The following CCDC39 variants were observed in gnomAD, a reference collection of about 807,000 sequenced individuals.
CCDC39 encodes the protein coiled-coil domain 39 molecular ruler complex subunit.
CCDC39 carries 113 observed loss-of-function variants against 121.0 expected under a neutral mutation model. The ratio of observed to expected loss-of-function variants is 0.93; its 90% CI spans 0.80 to 1.09. The LOEUF (loss-of-function observed/expected upper bound fraction) is 1.09. Among genes scored for constraint, CCDC39 ranks in the 50% least tolerant of loss-of-function variants. The pLI is 0.00. For synonymous variants in CCDC39, 349 were observed against 352.2 expected, an observed-to-expected ratio of 0.99 and a Z score of 0.10; for missense variants, 1,063 against 1,074.7, an observed-to-expected ratio of 0.99 and a Z score of 0.15.
intron 13 of CCDC39, among the ~76,000 whole-genome samples, chr3:180,633,951 T>C (rs1717762362): frequency 6.6e-6 from 1 of 152,078 alleles, no homozygotes; most frequent in African/African-American, 2.4e-5. Context: ...AGGCACATGA[T>C]AGCCCCTCTG....
intron 7 of CCDC39, among the ~76,000 whole-genome samples, chr3:180,653,293 A>G (rs1341084321): frequency 6.6e-6 from 1 of 152,218 alleles, no homozygotes; most frequent in African/African-American, 2.4e-5. Flanking sequence ...CTGCCCAGCA[A>G]CTGACTGATC....
intron 19 of CCDC39, 117 bp from the exon 20 acceptor site, chr3:180,615,194 A>C (rs1717185243): frequency 1.5e-6 from 1 of 685,118 alleles, no homozygotes; most frequent in South Asian, 2.3e-5. Context: ...AAAAGTACAT[A>C]TTAATAGTGT....
chr3:180,665,824 C>A (rs1350656194), intron 1 of CCDC39, among the ~76,000 whole-genome samples: 1 of 151,368 alleles, frequency 6.6e-6, no homozygotes, highest in East Asian at 1.9e-4. Flanking sequence ...TACGGAGGAT[C>A]ATTTTTAATT....
In CCDC39 at chr3:180,623,078, T is replaced by TTTATTATTA. The variant is rs60546376; in HGVS notation, c.1999-3117_1999-3109dup. On this transcript the variant is annotated intron_variant, in intron 14 of 19. Transcript: ENST00000476379. ...GCTTTTTTGTTGTTGTTTGGAGATTTTTATTATTATTATTATTATTATTAT... is the reference window on the plus strand; with the variant it reads ...GCTTTTTTGTTGTTGTTTGGAGATTTTTATTATTATTATTATTATTATTATTATTATTAT... Among the ~76,000 whole-genome samples the TTTATTATTA allele has an allele frequency of 3.5e-3, 510 of 144,974 alleles. 2 individuals are homozygous for TTTATTATTA. The highest frequency in any genetic ancestry group is 9.9e-3 in the African/African-American group (390 of 39,478).
chr3:180,629,788 G>C (rs760030380), intron 14 of CCDC39, among the ~76,000 whole-genome samples: 2 of 152,166 alleles, frequency 1.3e-5, no homozygotes, highest in African/African-American at 2.4e-5. Flanking sequence ...AGGACATTGA[G>C]AAAGTAACTG....
chr3:180,634,504 A>T (rs1447119930), intron 13 of CCDC39, among the ~76,000 whole-genome samples: 1 of 152,148 alleles, frequency 6.6e-6, no homozygotes, highest in South Asian at 2.1e-4. Flanking sequence ...TGAAGCCATC[A>T]GGAGACAAAA....
Position 180,616,528 on chromosome 3 carries a change from T to C in CCDC39, c.2574A>G (p.Thr858=). 6.4e-7 allele frequency: 1 copy of C among 1,552,802 alleles called. No individual in the cohort carries two copies. Among genetic ancestry groups the C allele is most frequent in the Non-Finnish European group, 8.7e-7 (1 of 1,151,474 alleles). The change falls in exon 18 of 20, where the codon ACA becomes ACG. Residue 858 remains threonine (T), a synonymous_variant. Transcript: ENST00000476379. ...ENTEIRIILQ[T]YFQQSGLELP... is the part of the protein sequence containing the mutation. ...GGTGCTGTATTACCTGTTGAAAGTA[T>C]GTTTGAAGGATAATACGGATCTCAG...
intron 1 of CCDC39, among the ~76,000 whole-genome samples, chr3:180,674,482 C>A (rs183412442): frequency 6.6e-6 from 1 of 152,128 alleles, no homozygotes; most frequent in Non-Finnish European, 1.5e-5. Context: ...CTTTATCCTG[C>A]CTGATTGCCT....
intron 13 of CCDC39, among the ~76,000 whole-genome samples, chr3:180,640,894 T>C (rs532552316): frequency 6.6e-6 from 1 of 152,060 alleles, no homozygotes; most frequent in African/African-American, 2.4e-5. Context: ...ATTCAATGTA[T>C]AGAAAAATAA....
At chr3:180,617,103 T>A in intron 16 of CCDC39, 137 bp from the exon 17 acceptor site, 1 of 575,510 alleles carries the variant, frequency 1.7e-6, no homozygotes, top group Non-Finnish European at 2.9e-6. Flanking sequence ...ATGTACCTCT[T>A]AATGACATCT....
chr3:180,621,680 G>A (rs1717436255), intron 14 of CCDC39, among the ~76,000 whole-genome samples: 1 of 151,980 alleles, frequency 6.6e-6, no homozygotes, highest in Admixed American at 6.6e-5. Flanking sequence ...TGTCACACAG[G>A]TAATAAGCAT....
At chr3:180,645,453 C>T (rs1189280813) in intron 11 of CCDC39, among the ~76,000 whole-genome samples, 1 of 152,022 alleles carries the variant, frequency 6.6e-6, no homozygotes, top group African/African-American at 2.4e-5. Context: ...AGATCTCTTT[C>T]CCTCTCTTCC....
intron 19 of CCDC39, among the ~76,000 whole-genome samples, chr3:180,615,441 AC>A (rs981513343): frequency 2.0e-5 from 3 of 152,132 alleles, no homozygotes; most frequent in Non-Finnish European, 2.9e-5. Flanking sequence ...TTAAAATGAT[AC>A]CTTTTGTAAT....
intron 13 of CCDC39, among the ~76,000 whole-genome samples, chr3:180,641,115 G>T (rs892122504): frequency 6.6e-6 from 1 of 151,966 alleles, no homozygotes; most frequent in Non-Finnish European, 1.5e-5. Context: ...TGTAAGGTTG[G>T]TTTGACTTTG....
At chr3:180,630,143 A>G (rs1717661484) in intron 14 of CCDC39, among the ~76,000 whole-genome samples, 1 of 152,188 alleles carries the variant, frequency 6.6e-6, no homozygotes, top group Non-Finnish European at 1.5e-5. Context: ...AGGCACACTT[A>G]ACACCAGTAC....
At chr3:180,674,835 G>A (rs1235240786) in intron 1 of CCDC39, among the ~76,000 whole-genome samples, 1 of 152,204 alleles carries the variant, frequency 6.6e-6, no homozygotes, top group African/African-American at 2.4e-5. Flanking sequence ...AAGCCCACTT[G>A]ATCATCGTGG....
At chr3:180,674,053 G>A (rs557606293) in intron 1 of CCDC39, among the ~76,000 whole-genome samples, 3 of 152,042 alleles carry the variant, frequency 2.0e-5, no homozygotes, top group Non-Finnish European at 4.4e-5. Flanking sequence ...CATTGAATCT[G>A]TAAATTACCT....
At chr3:180,677,215 T>TATAA (rs1203940702) in intron 1 of CCDC39, among the ~76,000 whole-genome samples, 3 of 110,422 alleles carry the variant, frequency 2.7e-5, no homozygotes, top group Non-Finnish European at 3.8e-5. Flanking sequence ...TATATATATA[T>TATAA]AAAATCACAG....
At chr3:180,617,371 AT>A in intron 16 of CCDC39, 1 of 577,600 alleles carries the variant, frequency 1.7e-6, no homozygotes, top group South Asian at 2.6e-5. Context: ...TACTTTTATT[AT>A]TTTACAGTGT....
Sources: allele counts gnomAD v4.1 joint callset (sites outside exome capture counted in the v4.1 genomes callset), GRCh38; gene constraint gnomAD v4.1.1; transcripts MANE v1.5; gene names NCBI Gene and HGNC (gene_info 2026-07-23, HGNC 2026-07-21).